The following DAAM1 variants were observed in gnomAD, a reference collection of about 807,000 sequenced individuals.
DAAM1 encodes dishevelled associated activator of morphogenesis 1, also known as disheveled-associated activator of morphogenesis 1.
In DAAM1, 52 loss-of-function variants were observed where a neutral mutation model predicts 130.0. The observed-to-expected ratio is 0.40, with a 90% CI of 0.32 to 0.50. DAAM1 has a LOEUF of 0.50. Among genes scored for constraint, DAAM1 ranks in the 20% least tolerant of loss-of-function variants. The probability of loss-of-function intolerance (pLI) is 0.61; values close to 1 mark genes in which losing one functional copy is unlikely to be tolerated. For synonymous variants in DAAM1, 452 were observed against 444.5 expected, an observed-to-expected ratio of 1.02 and a Z score of -0.21; for missense variants, 1,134 against 1,303.8, an observed-to-expected ratio of 0.87 and a Z score of 2.01.
chr14:59,347,581 A>G lies in DAAM1; in HGVS notation c.2118A>G (p.Thr706=). Residue 706 remains threonine (T), a synonymous_variant, in exon 17 of 25, where the codon ACA becomes ACG. Coordinates refer to ENST00000360909, the MANE Select transcript of DAAM1 (RefSeq NM_001270520.2). ...SNDEIKRAIL[T]MDEQEDLPKD... ...ACGAAATCAAACGGGCAATTCTAAC[A>G]ATGGACGAACAGGAAGATCTGCCCA... The G allele has an allele frequency of 6.2e-7, 1 of 1,613,958 alleles. No homozygotes were observed. Among genetic ancestry groups the G allele is most frequent in the Non-Finnish European group, 8.5e-7 (1 of 1,179,904 alleles).
chr14:59,320,390 T>C (rs1209119857), intron 4 of DAAM1, 100 bp from the exon 5 acceptor site: 2 of 899,046 alleles, frequency 2.2e-6, no homozygotes, highest in Non-Finnish European at 3.3e-6. Context: ...TTGTTGTTTA[T>C]ATTTAAAGTG....
chr14:59,338,256 G>A (rs1043456262), intron 15 of DAAM1: 7 of 876,768 alleles, frequency 8.0e-6, no homozygotes, highest in Non-Finnish European at 1.1e-5. Context: ...ATGATCCCAG[G>A]GGCATAAATC....
rs748920761 is a variant in DAAM1, at chr14:59,326,521, G to A, written c.1186G>A (p.Gly396Ser). The change falls in exon 11 of 25, where the codon GGC becomes AGC. Residue 396 changes from glycine to serine, a missense_variant. Transcript: ENST00000360909. ...CTTTTCTTTTTTAGACAAGAGGAGT[G>A]GCAACACTGTTCAGTACTGGCTACT... is the stretch of plus-strand genomic sequence containing the variant. ...HCLQMPYKRS[G>S]NTVQYWLLLD... 1.3e-6 allele frequency: 2 copies of A among 1,591,686 alleles called. No individual in the cohort carries two copies. The highest frequency in any genetic ancestry group is 1.2e-5 in the South Asian group (1 of 85,468).
intron 1 of DAAM1, among the ~76,000 whole-genome samples, chr14:59,246,799 G>T (rs183799062): frequency 5.9e-5 from 9 of 152,258 alleles, no homozygotes; most frequent in African/African-American, 2.2e-4. Context: ...TTGCTCTAAT[G>T]ATTAGTAATG....
At position 59,369,563 on chromosome 14, in the gene DAAM1, GC is replaced by G. The variant is rs1317877428; in HGVS notation, c.*706del. On this transcript the variant is annotated 3_prime_UTR_variant, in exon 25 of 25. Coordinates refer to ENST00000360909, the MANE Select transcript of DAAM1 (RefSeq NM_001270520.2). ...CCCCTGATTTCATCAAGTTATCTCT[GC>G]CAAGTGCTCTTGATAATTTCTTCAG... 2 of 152,192 alleles carry G rather than the reference GC, an allele frequency of 1.3e-5. No individual in the cohort carries two copies. The highest frequency in any genetic ancestry group is 4.8e-5 in the African/African-American group (2 of 41,308). The allele number at this position is 152,192 out of a possible 1,614,324, so 9.4% of individuals were successfully genotyped here.
At chr14:59,226,995 AT>A (rs1888960815) in intron 1 of DAAM1, among the ~76,000 whole-genome samples, 1 of 152,098 alleles carries the variant, frequency 6.6e-6, no homozygotes, top group South Asian at 2.1e-4. Context: ...TGTTTGTCAG[AT>A]TTTTCCCCCA....
chr14:59,319,000 T>C (rs1410986636), intron 4 of DAAM1, among the ~76,000 whole-genome samples: 2 of 152,232 alleles, frequency 1.3e-5, no homozygotes, highest in African/African-American at 4.8e-5. Flanking sequence ...ATGATCTTCA[T>C]AAAAGGCTGG....
intron 3 of DAAM1, among the ~76,000 whole-genome samples, chr14:59,304,248 C>T (rs901746081): frequency 6.6e-6 from 1 of 152,146 alleles, no homozygotes; most frequent in Admixed American, 6.5e-5. Context: ...ACAAAAAACA[C>T]GTTTCCTGTG....
intron 3 of DAAM1, among the ~76,000 whole-genome samples, chr14:59,292,251 C>T (rs1285778204): frequency 6.6e-6 from 1 of 152,296 alleles, no homozygotes; most frequent in Non-Finnish European, 1.5e-5. Flanking sequence ...GACTCACTCT[C>T]GACCCAGGGA....
intron 20 of DAAM1, among the ~76,000 whole-genome samples, chr14:59,357,105 C>G (rs1315611343): frequency 1.3e-5 from 2 of 152,198 alleles, no homozygotes; most frequent in Admixed American, 6.5e-5. Context: ...GCTGTTCCTT[C>G]TTTTAAGAAT....
At chr14:59,245,840 A>G (rs993796816) in intron 1 of DAAM1, among the ~76,000 whole-genome samples, 4 of 152,216 alleles carry the variant, frequency 2.6e-5, no homozygotes, top group African/African-American at 7.2e-5. Context: ...AGGACTAACA[A>G]TTGTAGAGTT....
rs749038803 is a variant in DAAM1 at position 59,326,645 on chromosome 14, G to T, written c.1310G>T (p.Arg437Leu). 3.1e-5 allele frequency: 50 copies of T among 1,611,850 alleles called. No individual in the cohort carries two copies. Among genetic ancestry groups the T allele is most frequent in the Non-Finnish European group, 4.2e-5 (50 of 1,179,440 alleles). The change falls in exon 11 of 25, where the codon CGA (arginine) becomes CTA (leucine). Residue 437 changes from arginine to leucine, a missense_variant. Arg to Leu is a moderately radical substitution (Grantham distance 102). This residue lies in a region of DAAM1 where 391 missense variants were observed against 521.6 expected (regional missense o/e 0.75). Coordinates refer to ENST00000360909, the MANE Select transcript of DAAM1 (RefSeq NM_001270520.2). ...LENFNIKNVV[R>L]MLVNENEVKQ... ...AACTTTAATATTAAGAATGTCGTAC[G>T]AATGTAAGTCTCTTCTTATTCTGCT...
At chr14:59,294,217 G>C (rs986703710) in intron 3 of DAAM1, among the ~76,000 whole-genome samples, 3 of 152,170 alleles carry the variant, frequency 2.0e-5, no homozygotes, top group Non-Finnish European at 4.4e-5. Flanking sequence ...ATGAGCCTGG[G>C]ACCTACAGAC....
chr14:59,352,736 C>T, intron 18 of DAAM1, 104 bp downstream of exon 18: 1 of 959,814 alleles, frequency 1.0e-6, no homozygotes, highest in Non-Finnish European at 1.5e-6. Flanking sequence ...CCTGGCTTAA[C>T]TTGAAAGCTT....
chr14:59,272,612 C>T (rs908107036), intron 2 of DAAM1, among the ~76,000 whole-genome samples: 1,240 of 111,400 alleles, frequency 0.011, 17 homozygotes, highest in African/African-American at 0.032. Flanking sequence ...TATATATACA[C>T]ACACACACAC....
chr14:59,326,822 A>G (rs1218124449), intron 11 of DAAM1, 111 bp from the exon 12 acceptor site: 24 of 1,525,954 alleles, frequency 1.6e-5, no homozygotes, highest in Middle Eastern at 2.2e-4. Context: ...GGTTTCAAGC[A>G]TGCACTGAGG....
chr14:59,249,752 C>G (rs1348165186), intron 1 of DAAM1, among the ~76,000 whole-genome samples: 1 of 152,146 alleles, frequency 6.6e-6, no homozygotes, highest in Non-Finnish European at 1.5e-5. Context: ...ACATTTTACC[C>G]TTTAAAGATA....
At chr14:59,200,018 C>G (rs1888050362) in intron 1 of DAAM1, among the ~76,000 whole-genome samples, 2 of 152,216 alleles carry the variant, frequency 1.3e-5, no homozygotes, top group Admixed American at 6.5e-5. Flanking sequence ...TGGAATTCAT[C>G]TGGGAAACTG....
intron 1 of DAAM1, among the ~76,000 whole-genome samples, chr14:59,247,361 G>T (rs1164676919): frequency 1.3e-5 from 2 of 152,060 alleles, no homozygotes; most frequent in Non-Finnish European, 2.9e-5. Flanking sequence ...GATTGTTTTG[G>T]CTATTCAAAA....
Sources: allele counts gnomAD v4.1 joint callset (sites outside exome capture counted in the v4.1 genomes callset), GRCh38; gene constraint gnomAD v4.1.1; regional missense constraint gnomAD v4.1.1; transcripts MANE v1.5; gene names NCBI Gene and HGNC (gene_info 2026-07-23, HGNC 2026-07-21).